TMTC4: variants seen among roughly 807,000 people sequenced by gnomAD.
The protein encoded by TMTC4 is transmembrane O-mannosyltransferase targeting cadherins 4.
TMTC4 carries 65 observed loss-of-function variants against 86.0 expected under a neutral mutation model. That is an observed-to-expected ratio of 0.76 (90% CI 0.62 to 0.93). The LOEUF is 0.93. TMTC4 is among the 40% of genes least tolerant of loss of function. TMTC4 has a pLI of 0.00. For synonymous variants in TMTC4, 379 were observed against 382.5 expected (o/e 0.99, Z 0.11); for missense variants, 866 against 948.1 (o/e 0.91, Z 1.14).
At chr13:100,616,081 G>A (rs1233851491) in intron 15 of TMTC4, among the ~76,000 whole-genome samples, 1 of 151,832 alleles carries the variant, frequency 6.6e-6, no homozygotes, top group African/African-American at 2.4e-5. Context: ...TTTTCGTATG[G>A]TTGTGTGGTA....
chr13:100,626,215 A>G, intron 12 of TMTC4, 65 bp from the exon 13 acceptor site: 1 of 1,484,912 alleles, frequency 6.7e-7, no homozygotes, highest in Non-Finnish European at 9.4e-7. Flanking sequence ...GGACCCCATC[A>G]CATCTTCTAA....
At chr13:100,656,352 A>G (rs1885105066) in intron 6 of TMTC4, 29 bp downstream of exon 6, 2 of 1,589,780 alleles carry the variant, frequency 1.3e-6, no homozygotes, top group South Asian at 1.1e-5. Context: ...AAGAAGGTGG[A>G]AAATTAAGAA....
At chr13:100,660,293 C>T (rs1401912747) in intron 5 of TMTC4, among the ~76,000 whole-genome samples, 7 of 147,218 alleles carry the variant, frequency 4.8e-5, no homozygotes, top group African/African-American at 7.6e-5. Context: ...ATTGTGCCAC[C>T]GCACTCCAGC....
At chr13:100,623,601 C>T (rs9518107) in intron 15 of TMTC4, among the ~76,000 whole-genome samples, 47,051 of 143,658 alleles carry the variant, frequency 0.33, 8,891 homozygotes, top group Admixed American at 0.51. Flanking sequence ...TGGGGTGGGA[C>T]GGTCTGGATG....
intron 6 of TMTC4, 82 bp downstream of exon 6, chr13:100,656,299 C>T: frequency 8.1e-7 from 1 of 1,238,496 alleles, no homozygotes; most frequent in Non-Finnish European, 1.1e-6. Flanking sequence ...TAGATGGATT[C>T]TTTCCCGTAT....
intron 16 of TMTC4, 36 bp downstream of exon 16, chr13:100,614,280 C>T: frequency 6.7e-7 from 1 of 1,499,194 alleles, no homozygotes; most frequent in Admixed American, 1.7e-5. Flanking sequence ...ACTGTGGAGC[C>T]ATTTCCTGTG....
intron 18 of TMTC4, among the ~76,000 whole-genome samples, 169 bp downstream of exon 18, chr13:100,606,189 G>C (rs1876560162): frequency 6.6e-6 from 1 of 152,182 alleles, no homozygotes; most frequent in African/African-American, 2.4e-5. Flanking sequence ...ATTGAGATTT[G>C]TAAGTGTGGC....
chr13:100,672,011 T>G (rs1449764628), intron 1 of TMTC4, among the ~76,000 whole-genome samples: 1 of 152,194 alleles, frequency 6.6e-6, no homozygotes, highest in Admixed American at 6.5e-5. Context: ...AACTGCTTAG[T>G]CTTTCTAAGA....
intron 15 of TMTC4, chr13:100,614,800 G>A: frequency 4.2e-6 from 2 of 472,924 alleles, no homozygotes; most frequent in Non-Finnish European, 5.5e-6. Context: ...TCAGACTGCT[G>A]AAATACTGAA....
chr13:100,604,853 T>C lies in TMTC4; in HGVS notation c.*141A>G. The C allele has an allele frequency of 1.1e-6, 1 of 924,136 alleles. No individual in the cohort carries two copies. Among genetic ancestry groups the C allele is most frequent in the Non-Finnish European group, 1.5e-6 (1 of 661,014 alleles). 57.2% of individuals were successfully genotyped at this position (924,136 alleles called of 1,614,324 possible). A position where few individuals can be genotyped will look rare whatever the true frequency, so the allele number is the denominator to read the frequency against. ...AGTATATTGCTGGTGCTATAATCTT[T>C]TTGCATGTCTTTGTTTTCATAGAAA... On this transcript the variant is annotated 3_prime_UTR_variant, in exon 19 of 19. Transcript: ENST00000342624.
At chr13:100,636,493 C>T (rs370397595) in intron 10 of TMTC4, 39 bp downstream of exon 10, 7 of 1,610,022 alleles carry the variant, frequency 4.3e-6, no homozygotes, top group Non-Finnish European at 5.9e-6. Flanking sequence ...GCTTCTGACT[C>T]AACCAGCGTG....
chr13:100,674,772 C>A lies in TMTC4; in HGVS notation c.-236G>T, dbSNP rs938148831. The stretch of plus-strand genomic sequence containing the variant: ...CAAGGAGCCTGAGCCCCGGCCGCAT[C>A]TCCCTCCCGGGTGCGGAAACTCTGG... On this transcript the variant is annotated 5_prime_UTR_variant, in exon 1 of 19. Coordinates refer to ENST00000342624, the MANE Select transcript of TMTC4 (RefSeq NM_032813.5). 6.1e-6 allele frequency: 6 copies of A among 983,770 alleles called. No homozygotes were observed. The African/African-American group carries it at 1.1e-4, about 17-fold the overall frequency. The allele number at this position is 983,770 out of a possible 1,614,324, so 60.9% of individuals were successfully genotyped here. A position where few individuals can be genotyped will look rare whatever the true frequency, so the allele number is the denominator to read the frequency against.
intron 9 of TMTC4, among the ~76,000 whole-genome samples, chr13:100,637,320 C>T (rs895091356): frequency 1.1e-4 from 16 of 152,264 alleles, no homozygotes; most frequent in African/African-American, 3.4e-4. Flanking sequence ...CTTGTTAGAA[C>T]GGAAATGCAA....
At chr13:100,607,571 G>T (rs1473953848) in intron 17 of TMTC4, among the ~76,000 whole-genome samples, 2 of 149,718 alleles carry the variant, frequency 1.3e-5, no homozygotes, top group Non-Finnish European at 2.9e-5. Context: ...CAAATTTGTT[G>T]GTGTGGGGAT....
chr13:100,606,394 C>A lies in TMTC4; in HGVS notation c.2098G>T (p.Ala700Ser). ...TGGTAACTTGCAGCATTTGGATTTG[C>A]TTTAATTGCCTTGAGGAATAAAGCT... Reference protein sequence around the residue: ...SEALFLKAIKANPNAASYHGN... With the variant: ...SEALFLKAIKSNPNAASYHGN... The change falls in exon 18 of 19, where the codon GCA (alanine) becomes TCA (serine). Residue 700 changes from alanine (A) to serine (S), a missense_variant. Transcript: ENST00000342624. 2 of 1,613,462 alleles carry A rather than the reference C, an allele frequency of 1.2e-6. No homozygotes were observed. The highest frequency in any genetic ancestry group is 4.5e-5 in the East Asian group (2 of 44,866).
At chr13:100,609,654 TTGAA>T (rs373037213) in intron 17 of TMTC4, among the ~76,000 whole-genome samples, 281 of 148,544 alleles carry the variant, frequency 1.9e-3, no homozygotes, top group African/African-American at 6.6e-3. Flanking sequence ...CACTGAATGA[TTGAA>T]TGCTCACTAA....
At chr13:100,662,845 C>G in intron 5 of TMTC4, 119 bp downstream of exon 5, 1 of 1,019,524 alleles carries the variant, frequency 9.8e-7, no homozygotes, top group Admixed American at 2.2e-5. Flanking sequence ...AGTAGACTTT[C>G]TCCAGCTCTG....
chr13:100,630,067 A>ATGTG (rs144614010), intron 12 of TMTC4, among the ~76,000 whole-genome samples: 11 of 120,344 alleles, frequency 9.1e-5, no homozygotes, highest in African/African-American at 3.5e-4. Flanking sequence ...GTGTGTGTGT[A>ATGTG]TGTGTGTGTG....
intron 15 of TMTC4, among the ~76,000 whole-genome samples, chr13:100,620,354 C>T (rs1039791039): frequency 1.3e-5 from 2 of 152,168 alleles, no homozygotes; most frequent in African/African-American, 4.8e-5. Flanking sequence ...CCTCCTCCAC[C>T]GTCCCAGGGT....
Sources: gnomAD v4.1 joint callset for allele counts (sites outside exome capture counted in the v4.1 genomes callset) on GRCh38, gnomAD v4.1.1 for gene constraint, MANE v1.5 for transcripts, NCBI Gene and HGNC (gene_info 2026-07-23, HGNC 2026-07-21) for gene names.